Variants in BNC2 observed in about 807,000 individuals in gnomAD.
BNC2 encodes the protein zinc finger protein basonuclin-2.
In BNC2, 20 loss-of-function variants were observed where a neutral mutation model predicts 76.3. That is an observed-to-expected ratio of 0.26 (90% CI 0.18 to 0.38). The LOEUF (loss-of-function observed/expected upper bound fraction) is 0.38. Ranked by LOEUF, BNC2 falls within the 10% of genes least tolerant of loss-of-function variation. BNC2 has a pLI of 1.00. For missense variants in BNC2, 1,382 were observed against 1,399.8 expected (o/e 0.99, Z 0.20); for synonymous variants, 582 against 514.8 (o/e 1.13, Z -1.77).
At chr9:16,809,822 A>C (rs779577017) in intron 1 of BNC2, among the ~76,000 whole-genome samples, 20 of 152,202 alleles carry the variant, frequency 1.3e-4, no homozygotes, top group Non-Finnish European at 2.2e-4. Flanking sequence ...AAGAAGCCAC[A>C]TCTTCTGACT....
rs1765955986 is a variant in BNC2 at position 16,661,548 on chromosome 9, T to TATC, written c.330+66246_330+66248dup. Among the ~76,000 whole-genome samples the TATC allele has an allele frequency of 2.0e-5, 3 of 152,160 alleles. No homozygotes were observed. The South Asian group carries it at 6.2e-4, about 32-fold the overall frequency. ...TTCCGAGGCCATTAAAGTTTAGTGT[T>TATC]ATCAGTTTCCTCTCTGCACTCAGGG... On this transcript the variant is annotated intron_variant, in intron 3 of 6. Coordinates refer to ENST00000380672, the MANE Select transcript of BNC2 (RefSeq NM_017637.6).
intron 3 of BNC2, among the ~76,000 whole-genome samples, chr9:16,715,530 G>C (rs551392011): frequency 6.6e-6 from 1 of 152,298 alleles, no homozygotes; most frequent in African/African-American, 2.4e-5. Context: ...GATGAGTTTT[G>C]TTTAGACCAC....
At chr9:16,657,316 AAG>A (rs1291397948) in intron 3 of BNC2, among the ~76,000 whole-genome samples, 2 of 152,248 alleles carry the variant, frequency 1.3e-5, no homozygotes, top group African/African-American at 4.8e-5. Flanking sequence ...TGGAACAATG[AAG>A]AGTTAGAAAA....
chr9:16,513,767 A>G lies in BNC2; in HGVS notation c.669+38763T>C, dbSNP rs113620206. 6.6e-5 allele frequency among the ~76,000 whole-genome samples: 10 copies of G among 152,202 alleles called. 2 individuals carry two copies. Among genetic ancestry groups the G allele is most frequent in the African/African-American group, 2.2e-4 (9 of 41,524 alleles). On this transcript the variant is annotated intron_variant, in intron 5 of 6. Coordinates refer to ENST00000380672, the MANE Select transcript of BNC2 (RefSeq NM_017637.6). Reference sequence around the variant, plus strand: ...ACCGTAGGTTGAAGACTGACACACAACTCAGAAGAGAGAAGGGCAGTCATG... The same window carrying G: ...ACCGTAGGTTGAAGACTGACACACAGCTCAGAAGAGAGAAGGGCAGTCATG...
rs146407819 is a variant in BNC2, at chr9:16,807,574, G to C, written c.3+63072C>G. ...AGGTGGAGGGAGGGGAGGTCAACAG[G>C]GAAATGCTCCATGAAGAGAGGGACC... On this transcript the variant is annotated intron_variant, in intron 1 of 6. Coordinates refer to ENST00000380672, the MANE Select transcript of BNC2 (RefSeq NM_017637.6). 8.5e-5 allele frequency among the ~76,000 whole-genome samples: 13 copies of C among 152,196 alleles called. No homozygotes were observed. In the East Asian group the frequency reaches 2.5e-3, roughly 29 times the overall value.
intron 5 of BNC2, among the ~76,000 whole-genome samples, chr9:16,491,963 G>A (rs1272828739): frequency 1.3e-5 from 2 of 152,082 alleles, no homozygotes; most frequent in Non-Finnish European, 2.9e-5. Context: ...AATCAATTTA[G>A]TCAAGGATCA....
At chr9:16,670,423 T>A (rs1316190591) in intron 3 of BNC2, among the ~76,000 whole-genome samples, 2 of 152,118 alleles carry the variant, frequency 1.3e-5, no homozygotes, top group African/African-American at 2.4e-5. Flanking sequence ...CAAGTCATCT[T>A]CCCACCTCTG....
At chr9:16,635,531 C>T (rs1390506993) in intron 3 of BNC2, among the ~76,000 whole-genome samples, 1 of 151,990 alleles carries the variant, frequency 6.6e-6, no homozygotes, top group Non-Finnish European at 1.5e-5. Flanking sequence ...CAAAAATTTA[C>T]AAGAAAAAGC....
In BNC2 at chr9:16,463,320, G is replaced by A. The variant is rs1408755851; in HGVS notation, c.670-25796C>T. On this transcript the variant is annotated intron_variant, in intron 5 of 6. Coordinates refer to ENST00000380672, the MANE Select transcript of BNC2 (RefSeq NM_017637.6). ...TTTTTTTTTTTTTTTTTTTTGAGAC[G>A]GAGTCTCGCTCTGTCGCCCAGGCTG... Among the ~76,000 whole-genome samples the A allele has an allele frequency of 1.4e-3, 141 of 102,510 alleles. 6 individuals are homozygous for A. Among genetic ancestry groups the A allele is most frequent in the African/African-American group, 7.2e-3 (131 of 18,304 alleles). 67.3% of individuals were successfully genotyped at this position (102,510 alleles called of 152,430 possible). A position where few individuals can be genotyped will look rare whatever the true frequency, so the allele number is the denominator to read the frequency against.
chr9:16,827,707 C>T (rs36067353), intron 1 of BNC2, among the ~76,000 whole-genome samples: 1 of 151,846 alleles, frequency 6.6e-6, no homozygotes, highest in African/African-American at 2.4e-5. Context: ...TATGTGCACA[C>T]GTGTGTAAAA....
At chr9:16,792,689 A>G (rs1817546748) in intron 1 of BNC2, among the ~76,000 whole-genome samples, 1 of 152,248 alleles carries the variant, frequency 6.6e-6, no homozygotes, top group Non-Finnish European at 1.5e-5. Flanking sequence ...TTACTTTGCA[A>G]GAAGAGGGAA....
chr9:16,640,479 A>G (rs555410072), intron 3 of BNC2, among the ~76,000 whole-genome samples: 9 of 152,338 alleles, frequency 5.9e-5, no homozygotes, highest in African/African-American at 2.2e-4. Flanking sequence ...GTTTTCAACT[A>G]AATTTTCATT....
chr9:16,475,982 T>G (rs1054480990), intron 5 of BNC2: 3 of 152,230 alleles, frequency 2.0e-5, no homozygotes, highest in Non-Finnish European at 4.4e-5. Context: ...ACCATGTCTT[T>G]CTGTCAACAG....
At chr9:16,796,229 T>C (rs1215334721) in intron 1 of BNC2, among the ~76,000 whole-genome samples, 2 of 152,220 alleles carry the variant, frequency 1.3e-5, no homozygotes, top group African/African-American at 2.4e-5. Context: ...GTACTTTATA[T>C]AGTTTTACAT....
intron 4 of BNC2, among the ~76,000 whole-genome samples, chr9:16,561,418 T>G (rs1819011653): frequency 6.6e-6 from 1 of 152,138 alleles, no homozygotes. Context: ...CTTAATTCAG[T>G]GGACTTCTCA....
At chr9:16,453,917 T>G (rs980555911) in intron 5 of BNC2, among the ~76,000 whole-genome samples, 3 of 152,218 alleles carry the variant, frequency 2.0e-5, no homozygotes, top group African/African-American at 7.2e-5. Context: ...CTTTTATGTC[T>G]TAGTTCTCAC....
chr9:16,440,470 C>T (rs779026981), intron 5 of BNC2, among the ~76,000 whole-genome samples: 1 of 152,184 alleles, frequency 6.6e-6, no homozygotes, highest in Non-Finnish European at 1.5e-5. Flanking sequence ...ATTTCTCAGG[C>T]TGAGCCTCAA....
At chr9:16,821,879 G>A (rs1196645160) in intron 1 of BNC2, among the ~76,000 whole-genome samples, 1 of 152,062 alleles carries the variant, frequency 6.6e-6, no homozygotes, top group African/African-American at 2.4e-5. Context: ...GGATCACGAG[G>A]TCAGGAGATC....
chr9:16,518,604 GTTTGTTT>G lies in BNC2; in HGVS notation c.669+33919_669+33925del, dbSNP rs1278274441. ...TTTTTTGTTGTTGTTGTTGTTGTTT[GTTTGTTT>G]TTTGTTTTTTGTTTTGTTTTTGAGA... On this transcript the variant is annotated intron_variant, in intron 5 of 6. Coordinates refer to ENST00000380672, the MANE Select transcript of BNC2 (RefSeq NM_017637.6). Among the ~76,000 whole-genome samples the G allele has an allele frequency of 0.012, 1,417 of 122,862 alleles. 64 individuals carry two copies. In the South Asian group the frequency reaches 0.17, roughly 15 times the overall value. 80.6% of individuals were successfully genotyped at this position (122,862 alleles called of 152,430 possible).
Sources: allele counts gnomAD v4.1 joint callset (sites outside exome capture counted in the v4.1 genomes callset), GRCh38; gene constraint gnomAD v4.1.1; transcripts MANE v1.5; gene names NCBI Gene and HGNC (gene_info 2026-07-23, HGNC 2026-07-21).